The following ATXN10 variants were observed in gnomAD, a reference collection of about 807,000 sequenced individuals.
ATXN10 encodes ataxin 10, also known as ataxin-10.
A neutral mutation model predicts 52.9 loss-of-function variants in ATXN10; 28 were observed. The observed-to-expected ratio is 0.53, with a 90% CI of 0.39 to 0.73. ATXN10 has a LOEUF of 0.73. Ranked by LOEUF, ATXN10 falls within the 30% of genes least tolerant of loss-of-function variation. The probability of loss-of-function intolerance (pLI) is 0.00; values close to 1 mark genes in which losing one functional copy is unlikely to be tolerated. For missense variants in ATXN10, 565 were observed against 577.0 expected (o/e 0.98, Z 0.21); for synonymous variants, 226 against 221.5 (o/e 1.02, Z -0.18).
At chr22:45,808,949 G>A (rs1234607764) in intron 10 of ATXN10, among the ~76,000 whole-genome samples, 5 of 152,178 alleles carry the variant, frequency 3.3e-5, no homozygotes, top group Non-Finnish European at 7.3e-5. Context: ...AATATCACAA[G>A]CATCTTTAGT....
chr22:45,684,500 G>A lies in ATXN10; in HGVS notation c.117-5212G>A, dbSNP rs2238824. ...TCTAAATGGTTGGGGAGATGATAAAGTTTCATGACACATGAAAATTATATG... is the reference window on the plus strand; with the variant it reads ...TCTAAATGGTTGGGGAGATGATAAAATTTCATGACACATGAAAATTATATG... On this transcript the variant is annotated intron_variant, in intron 1 of 11. Coordinates refer to ENST00000252934, the MANE Select transcript of ATXN10 (RefSeq NM_013236.4). This position sits in a 1 kb window ranked among gnomAD's most constrained non-coding sequence, Gnocchi z 4.1. Among the ~76,000 whole-genome samples the A allele has an allele frequency of 0.21, 32,379 of 152,010 alleles. 4,114 individuals are homozygous for A. Among genetic ancestry groups the A allele is most frequent in the African/African-American group, 0.36 (15,106 of 41,430 alleles).
intron 5 of ATXN10, among the ~76,000 whole-genome samples, chr22:45,704,999 A>G (rs1318645248): frequency 6.6e-6 from 1 of 152,192 alleles, no homozygotes; most frequent in Non-Finnish European, 1.5e-5. Flanking sequence ...ATTTTATCAA[A>G]TATATTTTGT....
chr22:45,818,423 G>A lies in ATXN10; in HGVS notation c.1237+11401G>A, dbSNP rs758147552. ...CTCCCTGGCTCTCAGGAGTCAAAGCGCATCTGGTTCTGCTTGTCTGGTTTA... is the reference window on the plus strand; with the variant it reads ...CTCCCTGGCTCTCAGGAGTCAAAGCACATCTGGTTCTGCTTGTCTGGTTTA... On this transcript the variant is annotated intron_variant, in intron 10 of 11. Coordinates refer to ENST00000252934, the MANE Select transcript of ATXN10 (RefSeq NM_013236.4). The surrounding 1 kb of genome is among the most constrained non-coding windows in gnomAD (Gnocchi z 4.6). Among the ~76,000 whole-genome samples, 4 of 152,158 alleles carry A rather than the reference G, an allele frequency of 2.6e-5. No homozygotes were observed. The highest frequency in any genetic ancestry group is 5.9e-5 in the Non-Finnish European group (4 of 68,042).
chr22:45,700,233 TTG>T (rs1923787348), intron 3 of ATXN10, 47 bp from the exon 4 acceptor site: 1 of 1,217,750 alleles, frequency 8.2e-7, no homozygotes, highest in Non-Finnish European at 1.2e-6. Context: ...CATTTATTTA[TTG>T]TGTTTAATCA....
At chr22:45,698,167 A>C (rs1459159189) in intron 3 of ATXN10, among the ~76,000 whole-genome samples, 1 of 152,154 alleles carries the variant, frequency 6.6e-6, no homozygotes, top group Non-Finnish European at 1.5e-5. Flanking sequence ...ATACCTAGGA[A>C]TAGAATTGCT....
At chr22:45,700,231 T>G in intron 3 of ATXN10, 51 bp from the exon 4 acceptor site, 1 of 1,216,776 alleles carries the variant, frequency 8.2e-7, no homozygotes, top group Non-Finnish European at 1.2e-6. Flanking sequence ...TGCATTTATT[T>G]ATTGTGTTTA....
intron 7 of ATXN10, 60 bp downstream of exon 7, chr22:45,729,650 G>A (rs1310994386): frequency 1.9e-6 from 3 of 1,555,650 alleles, no homozygotes; most frequent in Non-Finnish European, 2.7e-6. Flanking sequence ...TTCTAACTCA[G>A]CCAAGTCCTG....
intron 5 of ATXN10, among the ~76,000 whole-genome samples, chr22:45,717,374 TA>T (rs1414558331): frequency 6.6e-6 from 1 of 152,228 alleles, no homozygotes; most frequent in African/African-American, 2.4e-5. Context: ...GAAAATGCTT[TA>T]AATTCTAAGT....
At chr22:45,813,997 T>A (rs1219535692) in intron 10 of ATXN10, among the ~76,000 whole-genome samples, 1 of 152,230 alleles carries the variant, frequency 6.6e-6, no homozygotes, top group Admixed American at 6.5e-5. Flanking sequence ...TGGACCAATT[T>A]AATGTCCATA....
chr22:45,795,501 A>G lies in ATXN10; in HGVS notation c.1174-11458A>G, dbSNP rs926019440. ...TCTCAGCTCACTGCAACCTCTGCCT[A>G]CCAGGTTCAAGCAATTCTCCTGCCT... On this transcript the variant is annotated intron_variant, in intron 9 of 11. Coordinates refer to ENST00000252934, the MANE Select transcript of ATXN10 (RefSeq NM_013236.4). This position sits in a 1 kb window ranked among gnomAD's most constrained non-coding sequence, Gnocchi z 4.6. Among the ~76,000 whole-genome samples the G allele has an allele frequency of 5.3e-5, 8 of 151,880 alleles. No individual in the cohort carries two copies. In the East Asian group the frequency reaches 1.6e-3, roughly 30 times the overall value.
chr22:45,749,699 C>G (rs1427761090), intron 9 of ATXN10, among the ~76,000 whole-genome samples: 1 of 151,846 alleles, frequency 6.6e-6, no homozygotes, highest in Admixed American at 6.6e-5. Context: ...ATAACTGGGA[C>G]TGCAGGCATG....
At chr22:45,829,451 T>G (rs1928919613) in intron 10 of ATXN10, among the ~76,000 whole-genome samples, 1 of 152,172 alleles carries the variant, frequency 6.6e-6, no homozygotes, top group Non-Finnish European at 1.5e-5. Flanking sequence ...TTTCACAGAT[T>G]ATATGATCTA....
chr22:45,830,694 G>GAAA (rs571033027), intron 10 of ATXN10, among the ~76,000 whole-genome samples: 1 of 115,574 alleles, frequency 8.7e-6, no homozygotes. Context: ...TACAAAACAA[G>GAAA]AAAAAAAAAA....
chr22:45,758,601 T>G (rs892674392), intron 9 of ATXN10, among the ~76,000 whole-genome samples: 1 of 152,252 alleles, frequency 6.6e-6, no homozygotes, highest in Non-Finnish European at 1.5e-5. Flanking sequence ...TGTTTCATGC[T>G]CTGACAGCTA....
Position 45,754,132 on chromosome 22 carries a change from T to C in ATXN10, c.1173+13594T>C, listed in dbSNP as rs1926093007. 6.6e-6 allele frequency among the ~76,000 whole-genome samples: 1 copy of C among 152,186 alleles called. No homozygotes were observed. Among genetic ancestry groups the C allele is most frequent in the Admixed American group, 6.5e-5 (1 of 15,290 alleles). On this transcript the variant is annotated intron_variant, in intron 9 of 11. Coordinates refer to ENST00000252934, the MANE Select transcript of ATXN10 (RefSeq NM_013236.4). This position sits in a 1 kb window ranked among gnomAD's most constrained non-coding sequence, Gnocchi z 5.4. ...AGCCTTATGGGGTTAAGTGCAAAAG[T>C]GAGTCCTGTCAGCTAAGCAGGAGCT...
Position 45,820,243 on chromosome 22 carries a change from T to G in ATXN10, c.1237+13221T>G, listed in dbSNP as rs1928603021. ...GGCACTCATTTCCTTATCCAGGAAA[T>G]GAAAAGGCCGTGTGCTACGGTGGGA... On this transcript the variant is annotated intron_variant, in intron 10 of 11. Transcript: ENST00000252934. This position sits in a 1 kb window ranked among gnomAD's most constrained non-coding sequence, Gnocchi z 4.9. 1.3e-5 allele frequency among the ~76,000 whole-genome samples: 2 copies of G among 152,112 alleles called. No homozygotes were observed. The highest frequency in any genetic ancestry group is 4.1e-4 in the South Asian group (2 of 4,832).
intron 10 of ATXN10, among the ~76,000 whole-genome samples, chr22:45,815,930 T>C (rs956659682): frequency 3.3e-5 from 5 of 152,168 alleles, no homozygotes; most frequent in African/African-American, 1.2e-4. Flanking sequence ...CTACTGAGCA[T>C]CTAGCACGTA....
In ATXN10 at chr22:45,759,710, G is replaced by A. The variant is rs1601628988; in HGVS notation, c.1173+19172G>A. On this transcript the variant is annotated intron_variant, in intron 9 of 11. Transcript: ENST00000252934. This position sits in a 1 kb window ranked among gnomAD's most constrained non-coding sequence, Gnocchi z 5.4. ...TCCCAGCCACCCTGCCCTTCATAAA[G>A]CTCTAGTTTTGTAGGGGATGGGGTG... Among the ~76,000 whole-genome samples the A allele has an allele frequency of 6.6e-6, 1 of 152,242 alleles. No homozygotes were observed. Among genetic ancestry groups the A allele is most frequent in the South Asian group, 2.1e-4 (1 of 4,812 alleles).
chr22:45,682,530 G>C (rs1922969925), intron 1 of ATXN10, among the ~76,000 whole-genome samples: 1 of 152,020 alleles, frequency 6.6e-6, no homozygotes. Context: ...GTCTGGTCTT[G>C]AACTCCTGGC....
Sources: allele counts gnomAD v4.1 joint callset (sites outside exome capture counted in the v4.1 genomes callset), GRCh38; gene constraint gnomAD v4.1.1; non-coding constraint Gnocchi (gnomAD v3.1); transcripts MANE v1.5; gene names NCBI Gene and HGNC (gene_info 2026-07-23, HGNC 2026-07-21).